The following RAB11FIP3 variants were observed in gnomAD, a reference collection of about 807,000 sequenced individuals.
RAB11FIP3 encodes the protein rab11 family-interacting protein 3.
RAB11FIP3 carries 17 observed loss-of-function variants against 77.8 expected under a neutral mutation model. The ratio of observed to expected loss-of-function variants is 0.22; its 90% CI spans 0.15 to 0.33. RAB11FIP3 has a LOEUF of 0.33. RAB11FIP3 is among the 10% of genes least tolerant of loss of function. RAB11FIP3 has a pLI of 1.00. For missense variants in RAB11FIP3, 1,005 were observed against 1,011.2 expected (o/e 0.99, Z 0.08); for synonymous variants, 437 against 448.2 (o/e 0.98, Z 0.31).
intron 10 of RAB11FIP3, chr16:519,238 G>A: frequency 5.3e-6 from 3 of 569,674 alleles, no homozygotes; most frequent in Non-Finnish European, 9.3e-6. Context: ...ATGGACCCAG[G>A]GCTCTGAATC....
Position 499,429 on chromosome 16 carries a change from G to C in RAB11FIP3, c.1301+2570G>C, listed in dbSNP as rs193104635. The stretch of plus-strand genomic sequence containing the variant: ...CTAGGATGGGGCGCAGCCTGCAGTT[G>C]GCTGTCACAGCCTTGTGTCAGAAAC... On this transcript the variant is annotated intron_variant, in intron 6 of 13. Coordinates refer to ENST00000262305, the MANE Select transcript of RAB11FIP3 (RefSeq NM_014700.4). Among the ~76,000 whole-genome samples the C allele has an allele frequency of 1.5e-3, 228 of 152,256 alleles. 3 individuals carry two copies. The highest frequency in any genetic ancestry group is 0.012 in the Admixed American group (177 of 15,284).
intron 6 of RAB11FIP3, among the ~76,000 whole-genome samples, chr16:501,449 G>C (rs1442147341): frequency 6.9e-6 from 1 of 144,440 alleles, no homozygotes; most frequent in Non-Finnish European, 1.5e-5. Flanking sequence ...AGGCAAGGAA[G>C]CTCGGAGAGG....
At chr16:482,411 T>C (rs1358762042) in intron 3 of RAB11FIP3, 114 bp from the exon 4 acceptor site, 6 of 986,846 alleles carry the variant, frequency 6.1e-6, no homozygotes, top group Middle Eastern at 2.0e-4. Flanking sequence ...ACTTCAGGCG[T>C]CAGACCCCTC....
chr16:457,852 A>G (rs2055528444), intron 1 of RAB11FIP3, among the ~76,000 whole-genome samples: 1 of 152,238 alleles, frequency 6.6e-6, no homozygotes, highest in Non-Finnish European at 1.5e-5. Flanking sequence ...CGGATTAGGT[A>G]ACTCTCAGGT....
At chr16:488,415 T>C (rs895236581) in intron 4 of RAB11FIP3, among the ~76,000 whole-genome samples, 4 of 54,592 alleles carry the variant, frequency 7.3e-5, no homozygotes, top group Admixed American at 7.1e-4. Context: ...TATTTATTTA[T>C]TTTTTTTTTT....
rs1338879900 is a variant in RAB11FIP3, at chr16:426,438, C to G, written c.432C>G (p.Arg144=). ...GCTGCCCGGAGAGCGCGCCTTTCCG[C>G]TTGCAGGGGTCCAGCAGCAGCCACC... ...PASCPESAPF[R]LQGSSSSHRA... Residue 144 remains arginine, a synonymous_variant, in exon 1 of 14, where the codon CGC becomes CGG. Coordinates refer to ENST00000262305, the MANE Select transcript of RAB11FIP3 (RefSeq NM_014700.4). This position sits in a 1 kb window ranked among gnomAD's most constrained non-coding sequence, Gnocchi z 5.0. 5.7e-6 allele frequency: 9 copies of G among 1,585,278 alleles called. No individual in the cohort carries two copies. The highest frequency in any genetic ancestry group is 7.7e-6 in the Non-Finnish European group (9 of 1,167,300).
intron 3 of RAB11FIP3, among the ~76,000 whole-genome samples, chr16:480,286 CAAA>C (rs56228402): frequency 6.2e-5 from 5 of 80,016 alleles, no homozygotes; most frequent in Admixed American, 3.2e-4. Context: ...ACTCCTTCTC[CAAA>C]AAAAAAAAAA....
chr16:450,789 G>T (rs927855630), intron 1 of RAB11FIP3, among the ~76,000 whole-genome samples: 1 of 152,060 alleles, frequency 6.6e-6, no homozygotes, highest in African/African-American at 2.4e-5. Context: ...GCCATAAAGG[G>T]AGTCTATTCA....
At chr16:435,204 C>CAA (rs371438435) in intron 1 of RAB11FIP3, among the ~76,000 whole-genome samples, 12 of 83,136 alleles carry the variant, frequency 1.4e-4, no homozygotes, top group Non-Finnish European at 2.0e-4. Context: ...GACTCCGTCT[C>CAA]AAAAAAAAAA....
rs1170501379 is a variant in RAB11FIP3 at position 505,496 on chromosome 16, G to A, written c.1396-28G>A. On this transcript the variant is annotated intron_variant, in intron 7 of 13. Coordinates refer to ENST00000262305, the MANE Select transcript of RAB11FIP3 (RefSeq NM_014700.4). The surrounding 1 kb of genome is among the most constrained non-coding windows in gnomAD (Gnocchi z 4.0). ...CAGGCCCTTCTGCTTCTGGCTGCCT[G>A]ACCCTGAAGCCTGGTCTCATTGCCA... 5.1e-6 allele frequency: 8 copies of A among 1,581,796 alleles called. No individual in the cohort carries two copies. Among genetic ancestry groups the A allele is most frequent in the Non-Finnish European group, 6.9e-6 (8 of 1,163,270 alleles).
Position 520,452 on chromosome 16 carries a change from C to T in RAB11FIP3, c.2017-7C>T, listed in dbSNP as rs777085965. On this transcript the variant is annotated splice_region_variant and splice_polypyrimidine_tract_variant and intron_variant, in intron 12 of 13. Coordinates refer to ENST00000262305, the MANE Select transcript of RAB11FIP3 (RefSeq NM_014700.4). ...ACAGCCCAGTAGTGATGTTGCTGTG[C>T]CTTCAGGACAACCGCAACCTGAAGG... 1.2e-6 allele frequency: 2 copies of T among 1,613,072 alleles called. No homozygotes were observed. Among genetic ancestry groups the T allele is most frequent in the Admixed American group, 3.3e-5 (2 of 60,004 alleles).
chr16:462,781 T>G (rs1256044531), intron 2 of RAB11FIP3, among the ~76,000 whole-genome samples: 5 of 138,194 alleles, frequency 3.6e-5, no homozygotes, highest in African/African-American at 5.5e-5. Context: ...CACCGTCCCT[T>G]CCCCAGCACC....
chr16:495,357 G>A (rs2031028495), intron 5 of RAB11FIP3, among the ~76,000 whole-genome samples: 2 of 152,228 alleles, frequency 1.3e-5, no homozygotes, highest in South Asian at 4.1e-4. Flanking sequence ...GGACACCACC[G>A]TGCTGTCAGG....
chr16:515,443 C>T (rs983170846), intron 9 of RAB11FIP3, among the ~76,000 whole-genome samples: 1 of 152,244 alleles, frequency 6.6e-6, no homozygotes, highest in Non-Finnish European at 1.5e-5. Context: ...CCTGCGCCAG[C>T]AGCTACACCG....
intron 3 of RAB11FIP3, among the ~76,000 whole-genome samples, chr16:476,277 C>T (rs2055905889): frequency 6.6e-6 from 1 of 152,182 alleles, no homozygotes; most frequent in Non-Finnish European, 1.5e-5. Flanking sequence ...GAATCTGCCT[C>T]ATTGTTCCTG....
intron 1 of RAB11FIP3, among the ~76,000 whole-genome samples, chr16:444,088 C>G (rs2055272510): frequency 6.6e-6 from 1 of 152,156 alleles, no homozygotes; most frequent in Admixed American, 6.6e-5. Context: ...ACCCTGAGGC[C>G]TCTCTTTCTC....
rs1883371 is a variant in RAB11FIP3 at position 426,096 on chromosome 16, A to G, written c.90A>G (p.Ala30=). ...GCGGGCCGGACGGGCCGGGGGCGGCACAACTGGCTCCGGGCCCTGCGGAGC... is the reference window on the plus strand; with the variant it reads ...GCGGGCCGGACGGGCCGGGGGCGGCGCAACTGGCTCCGGGCCCTGCGGAGC... ...EPGGPDGPGA[A]QLAPGPAELR... is the part of the protein sequence containing the mutation. Residue 30 remains alanine, a synonymous_variant, in exon 1 of 14, where the codon GCA becomes GCG. Transcript: ENST00000262305. This position sits in a 1 kb window ranked among gnomAD's most constrained non-coding sequence, Gnocchi z 5.0. 1,004,428 of 1,004,430 alleles carry G rather than the reference A, an allele frequency of 1. 502,213 individuals carry two copies. Among genetic ancestry groups the G allele is most frequent in the Middle Eastern group, 1 (2,018 of 2,018 alleles). 62.2% of individuals were successfully genotyped at this position (1,004,430 alleles called of 1,614,324 possible).
intron 3 of RAB11FIP3, among the ~76,000 whole-genome samples, chr16:479,949 C>G (rs1480943190): frequency 6.6e-6 from 1 of 151,414 alleles, no homozygotes; most frequent in African/African-American, 2.4e-5. Flanking sequence ...CTCAGAGTAC[C>G]TTGTTTTCTG....
At chr16:468,240 G>C (rs1365364543) in intron 2 of RAB11FIP3, among the ~76,000 whole-genome samples, 11 of 93,386 alleles carry the variant, frequency 1.2e-4, no homozygotes, top group South Asian at 3.2e-4. Flanking sequence ...GGGAGGAGGT[G>C]CTGGGGCGTC....
Sources: allele counts gnomAD v4.1 joint callset (sites outside exome capture counted in the v4.1 genomes callset), GRCh38; gene constraint gnomAD v4.1.1; non-coding constraint Gnocchi (gnomAD v3.1); transcripts MANE v1.5; gene names NCBI Gene and HGNC (gene_info 2026-07-23, HGNC 2026-07-21).